PTPRG: variants seen among roughly 807,000 people sequenced by gnomAD.
PTPRG encodes protein tyrosine phosphatase receptor type G.
A neutral mutation model predicts 165.3 loss-of-function variants in PTPRG; 102 were observed. That is an observed-to-expected ratio of 0.62 (90% CI 0.53 to 0.73). PTPRG has a LOEUF of 0.73. Among genes scored for constraint, PTPRG ranks in the 30% least tolerant of loss-of-function variants. The pLI, the probability that PTPRG is intolerant of heterozygous loss-of-function variation, is 0.00. For missense variants in PTPRG, 1,866 were observed against 1,861.4 expected, an observed-to-expected ratio of 1.00 and a Z score of -0.05; for synonymous variants, 675 against 669.5, an observed-to-expected ratio of 1.01 and a Z score of -0.13.
intron 1 of PTPRG, among the ~76,000 whole-genome samples, chr3:61,633,491 T>C (rs1701822509): frequency 6.6e-6 from 1 of 152,256 alleles, no homozygotes; most frequent in African/African-American, 2.4e-5. Context: ...GGATTGTTCA[T>C]TGCTAATGTA....
chr3:62,030,009 A>G (rs1699711223), intron 4 of PTPRG, among the ~76,000 whole-genome samples: 1 of 152,188 alleles, frequency 6.6e-6, no homozygotes, highest in Admixed American at 6.5e-5. Context: ...GTTAAAGGAC[A>G]GGGGTTTGAT....
intron 1 of PTPRG, among the ~76,000 whole-genome samples, chr3:61,610,502 A>G (rs1701134099): frequency 6.6e-6 from 1 of 152,210 alleles, no homozygotes; most frequent in African/African-American, 2.4e-5. Context: ...GGCTATAGCC[A>G]GCAGTCTTCG....
At chr3:61,719,558 G>A (rs182427329) in intron 1 of PTPRG, among the ~76,000 whole-genome samples, 261 of 152,292 alleles carry the variant, frequency 1.7e-3, no homozygotes, top group Non-Finnish European at 2.1e-3. Context: ...GCAGAGAAAG[G>A]GAACAGGGAG....
chr3:62,232,098 A>C (rs568012085), intron 14 of PTPRG, among the ~76,000 whole-genome samples: 10 of 152,272 alleles, frequency 6.6e-5, no homozygotes, highest in Admixed American at 2.0e-4. Flanking sequence ...CAATGAACCA[A>C]TTTATAGGAT....
intron 4 of PTPRG, among the ~76,000 whole-genome samples, chr3:62,009,250 A>C (rs2041363012): frequency 6.6e-6 from 1 of 152,200 alleles, no homozygotes; most frequent in Non-Finnish European, 1.5e-5. Flanking sequence ...CCATGACACA[A>C]GCAGGTTAAA....
chr3:62,081,858 G>C (rs1381127653), intron 5 of PTPRG, among the ~76,000 whole-genome samples: 1 of 152,098 alleles, frequency 6.6e-6, no homozygotes, highest in East Asian at 1.9e-4. Context: ...ATTCAAACCT[G>C]GCATCTTACA....
chr3:62,131,069 A>G (rs986448587), intron 5 of PTPRG, among the ~76,000 whole-genome samples: 1 of 152,100 alleles, frequency 6.6e-6, no homozygotes, highest in Non-Finnish European at 1.5e-5. Context: ...AGATATAATC[A>G]CTATTAACTC....
At chr3:61,762,820 G>A (rs942049791) in intron 2 of PTPRG, among the ~76,000 whole-genome samples, 1 of 152,020 alleles carries the variant, frequency 6.6e-6, no homozygotes, top group East Asian at 1.9e-4. Context: ...GGACACCTCT[G>A]GGCAGCACCT....
In PTPRG at chr3:61,787,596, C is replaced by T. The variant is rs145518987; in HGVS notation, c.190+38614C>T. On this transcript the variant is annotated intron_variant, in intron 2 of 29. Coordinates refer to ENST00000474889, the MANE Select transcript of PTPRG (RefSeq NM_002841.4). ...ATCACCATAGTCCGCTTTATTAGGT[C>T]CTTCTGGGAAGCCCATAAATGCTTG... Among the ~76,000 whole-genome samples the T allele has an allele frequency of 5.0e-3, 768 of 152,218 alleles. 6 individuals are homozygous for T. Among genetic ancestry groups the T allele is most frequent in the African/African-American group, 0.017 (711 of 41,534 alleles).
At chr3:61,865,690 C>G (rs2107420299) in intron 2 of PTPRG, among the ~76,000 whole-genome samples, 1 of 152,312 alleles carries the variant, frequency 6.6e-6, no homozygotes, top group Middle Eastern at 3.4e-3. Flanking sequence ...GACAGAGCCC[C>G]TTTGTCTTCT....
chr3:61,583,892 G>T (rs1206533544), intron 1 of PTPRG, among the ~76,000 whole-genome samples: 1 of 152,122 alleles, frequency 6.6e-6, no homozygotes, highest in African/African-American at 2.4e-5. Context: ...CGTTAACCAA[G>T]GGTTGATTTG....
At chr3:62,257,690 C>T (rs552036988) in intron 16 of PTPRG, among the ~76,000 whole-genome samples, 1 of 152,170 alleles carries the variant, frequency 6.6e-6, no homozygotes. Flanking sequence ...CACAGTGGCT[C>T]ACACCTGTAA....
At chr3:61,928,227 T>A (rs1245502803) in intron 2 of PTPRG, among the ~76,000 whole-genome samples, 3 of 152,124 alleles carry the variant, frequency 2.0e-5, no homozygotes, top group Non-Finnish European at 4.4e-5. Flanking sequence ...TCTTTCTCCT[T>A]CTTATGAGTT....
At chr3:61,653,627 A>G (rs1702421896) in intron 1 of PTPRG, among the ~76,000 whole-genome samples, 1 of 152,146 alleles carries the variant, frequency 6.6e-6, no homozygotes, top group South Asian at 2.1e-4. Flanking sequence ...GTGTAGCTAA[A>G]TCATTGCATA....
At chr3:61,608,627 C>A (rs999372176) in intron 1 of PTPRG, among the ~76,000 whole-genome samples, 1 of 152,204 alleles carries the variant, frequency 6.6e-6, no homozygotes, top group Non-Finnish European at 1.5e-5. Flanking sequence ...TTGAGCTGCT[C>A]AATCAGCTGG....
intron 2 of PTPRG, among the ~76,000 whole-genome samples, chr3:61,786,949 A>G (rs2034722581): frequency 2.0e-5 from 3 of 152,158 alleles, no homozygotes; most frequent in Non-Finnish European, 4.4e-5. Context: ...CCATGTGTCA[A>G]TGCTAGTTTT....
At chr3:61,893,343 A>G (rs2038267132) in intron 2 of PTPRG, among the ~76,000 whole-genome samples, 1 of 152,242 alleles carries the variant, frequency 6.6e-6, no homozygotes, top group African/African-American at 2.4e-5. Context: ...GCCACTATAA[A>G]TTGAGCCCCA....
intron 2 of PTPRG, among the ~76,000 whole-genome samples, chr3:61,774,382 G>T (rs1426161499): frequency 6.6e-6 from 1 of 152,154 alleles, no homozygotes; most frequent in Non-Finnish European, 1.5e-5. Flanking sequence ...ACCCCATTTG[G>T]AGTTTGCTTG....
At chr3:61,733,616 G>C (rs1178087691) in intron 1 of PTPRG, among the ~76,000 whole-genome samples, 1 of 152,204 alleles carries the variant, frequency 6.6e-6, no homozygotes, top group East Asian at 1.9e-4. Context: ...AACTAAAGCA[G>C]AGCAGGACAA....
Sources: allele counts gnomAD v4.1 joint callset (sites outside exome capture counted in the v4.1 genomes callset), GRCh38; gene constraint gnomAD v4.1.1; transcripts MANE v1.5; gene names NCBI Gene and HGNC (gene_info 2026-07-23, HGNC 2026-07-21).